ASB5: variants seen among roughly 807,000 people sequenced by gnomAD.
ASB5 encodes ankyrin repeat and SOCS box containing 5, also known as ankyrin repeat and SOCS box protein 5.
A neutral mutation model predicts 42.1 loss-of-function variants in ASB5; 45 were observed. The ratio of observed to expected loss-of-function variants is 1.07; its 90% CI spans 0.84 to 1.37. The LOEUF (loss-of-function observed/expected upper bound fraction) is 1.37. Among genes scored for constraint, ASB5 ranks in the 40% most tolerant of loss-of-function variants. ASB5 has a pLI of 0.00. For synonymous variants in ASB5, 147 were observed against 150.6 expected, an observed-to-expected ratio of 0.98 and a Z score of 0.18; for missense variants, 402 against 399.8, an observed-to-expected ratio of 1.01 and a Z score of -0.05.
chr4:176,268,998 G>T lies in ASB5; in HGVS notation c.111C>A (p.Ile37=). Residue 37 remains isoleucine (I), a synonymous_variant, in exon 1 of 7, where the codon ATC becomes ATA. Coordinates refer to ENST00000296525, the MANE Select transcript of ASB5 (RefSeq NM_080874.4). ...FKLFVKISLA[I]LSHFYIVKGN... is the part of the protein sequence containing the mutation. ...CTTTCACTATGTAGAAATGACTGAG[G>T]ATGGCAAGGCTGATTTTCACAAAAA... is the stretch of plus-strand genomic sequence containing the variant. 1.9e-6 allele frequency: 3 copies of T among 1,613,584 alleles called. No individual in the cohort carries two copies. Among genetic ancestry groups the T allele is most frequent in the Middle Eastern group, 1.7e-4 (1 of 6,058 alleles).
chr4:176,267,210 G>T (rs1426282191), intron 1 of ASB5, among the ~76,000 whole-genome samples: 1 of 152,172 alleles, frequency 6.6e-6, no homozygotes, highest in African/African-American at 2.4e-5. Context: ...TCGTGTATCT[G>T]CAAATATGGC....
chr4:176,231,686 TA>T (rs1014244195), intron 1 of ASB5, among the ~76,000 whole-genome samples: 1 of 39,148 alleles, frequency 2.6e-5, no homozygotes, highest in Non-Finnish European at 4.8e-5. Flanking sequence ...AAATGTAAAT[TA>T]AAAAAAATTA....
chr4:176,263,077 C>A (rs72708319), intron 1 of ASB5, among the ~76,000 whole-genome samples: 1,565 of 152,148 alleles, frequency 0.01, 32 homozygotes, highest in Admixed American at 0.046. Context: ...GCTTGCCCTC[C>A]CTCCCTTGAT....
chr4:176,268,820 T>C (rs1027964433), intron 1 of ASB5, 93 bp downstream of exon 1: 2 of 1,077,850 alleles, frequency 1.9e-6, no homozygotes, highest in Non-Finnish European at 2.5e-6. Flanking sequence ...ATAAAATATT[T>C]ACCTTGAAGC....
rs2126944886 is a variant in ASB5, at chr4:176,221,605, A to C, written c.385-5T>G. On this transcript the variant is annotated splice_region_variant and splice_polypyrimidine_tract_variant and intron_variant, in intron 3 of 6. Transcript: ENST00000296525. ...ATCTATCGTGATTGCATTTACCTAAACCAAACCAAAATATCCAAACATAAG... is the reference window on the plus strand; with the variant it reads ...ATCTATCGTGATTGCATTTACCTAACCCAAACCAAAATATCCAAACATAAG... The C allele has an allele frequency of 1.2e-6, 2 of 1,600,316 alleles. No individual in the cohort carries two copies. Among genetic ancestry groups the C allele is most frequent in the Non-Finnish European group, 1.7e-6 (2 of 1,171,696 alleles).
chr4:176,215,682 CT>C lies in ASB5; in HGVS notation c.907del (p.Ser303AlafsTer3). On this transcript the variant is annotated frameshift_variant, in exon 7 of 7. Transcript: ENST00000296525. LOFTEE classifies it high-confidence loss of function. ...LYQLCRLCIR[S>X]YIGKPRLHLI... ...GTGCAATCTTGGTTTTCCTATGTAG[CT>C]TCGGATACAGAGTCGGCAAAGTTGG... The C allele has an allele frequency of 6.2e-7, 1 of 1,613,050 alleles. No individual in the cohort carries two copies. Among genetic ancestry groups the C allele is most frequent in the Non-Finnish European group, 8.5e-7 (1 of 1,179,326 alleles).
chr4:176,225,053 C>G (rs1269251653), intron 2 of ASB5, among the ~76,000 whole-genome samples: 3 of 152,136 alleles, frequency 2.0e-5, no homozygotes, highest in African/African-American at 7.2e-5. Flanking sequence ...TCTGAGAAAT[C>G]TGAAATACTA....
At chr4:176,219,248 A>ATTTGTATGATATATAAATATATATATT (rs1286573017) in intron 5 of ASB5, among the ~76,000 whole-genome samples, 1 of 109,242 alleles carries the variant, frequency 9.2e-6, no homozygotes, top group African/African-American at 3.7e-5. Flanking sequence ...ATAAATATAT[A>ATTTGTATGATATATAAATATATATATT]TGTATGATAT....
intron 1 of ASB5, among the ~76,000 whole-genome samples, chr4:176,263,600 T>C (rs1049342067): frequency 6.6e-6 from 1 of 152,172 alleles, no homozygotes; most frequent in Non-Finnish European, 1.5e-5. Context: ...TTGTTCCACC[T>C]ACGTATAGAA....
At chr4:176,225,184 T>G in intron 2 of ASB5, 78 bp downstream of exon 2, 1 of 1,196,542 alleles carries the variant, frequency 8.4e-7, no homozygotes, top group Non-Finnish European at 1.2e-6. Flanking sequence ...GGTTTTATCA[T>G]ATTTGCATTG....
chr4:176,229,758 G>T (rs1307567652), intron 1 of ASB5, among the ~76,000 whole-genome samples: 1 of 152,158 alleles, frequency 6.6e-6, no homozygotes, highest in Non-Finnish European at 1.5e-5. Flanking sequence ...GCATGAAAAA[G>T]TTTAATGTCA....
At chr4:176,277,022 T>A (rs1458818102) in intron 1 of ASB5, among the ~76,000 whole-genome samples, 1 of 152,120 alleles carries the variant, frequency 6.6e-6, no homozygotes, top group African/African-American at 2.4e-5. Context: ...TCAGGCAAGT[T>A]CCTTAATCCC....
At chr4:176,243,692 C>T (rs988330506) in intron 1 of ASB5, among the ~76,000 whole-genome samples, 1 of 151,696 alleles carries the variant, frequency 6.6e-6, no homozygotes, top group African/African-American at 2.4e-5. Flanking sequence ...TTGGTAGAAA[C>T]GGGGTTTCAC....
Position 176,233,371 on chromosome 4 carries a change from A to G in ASB5, c.197-8030T>C, listed in dbSNP as rs375931128. Among the ~76,000 whole-genome samples, 15 of 152,312 alleles carry G rather than the reference A, an allele frequency of 9.8e-5. No homozygotes were observed. The East Asian group carries it at 1.5e-3, about 16-fold the overall frequency. ...CATAGCTCCCACGCTGATCTCTCCC[A>G]CAAATTTCAGCGCCACATGTTAAAA... On this transcript the variant is annotated intron_variant, in intron 1 of 6. Coordinates refer to ENST00000296525, the MANE Select transcript of ASB5 (RefSeq NM_080874.4).
chr4:176,236,318 G>A (rs1055497967), intron 1 of ASB5, among the ~76,000 whole-genome samples: 19 of 152,042 alleles, frequency 1.2e-4, no homozygotes, highest in African/African-American at 4.6e-4. Flanking sequence ...GGACTTTAAG[G>A]ACCATGAAAT....
chr4:176,221,345 AC>A, intron 4 of ASB5, 56 bp from the exon 5 acceptor site: 1 of 1,601,910 alleles, frequency 6.2e-7, no homozygotes, highest in Non-Finnish European at 8.5e-7. Flanking sequence ...CACACACCTC[AC>A]CCCAGGCTTC....
intron 1 of ASB5, among the ~76,000 whole-genome samples, chr4:176,264,173 G>A (rs778170589): frequency 2.6e-5 from 4 of 152,060 alleles, no homozygotes; most frequent in African/African-American, 4.8e-5. Flanking sequence ...TGAAAGGAGC[G>A]CCTGAAGAGC....
intron 1 of ASB5, among the ~76,000 whole-genome samples, chr4:176,256,588 T>A (rs968163264): frequency 4.6e-5 from 7 of 152,226 alleles, no homozygotes; most frequent in Non-Finnish European, 1.0e-4. Context: ...TATTTTTAAA[T>A]GGTTTGTTTT....
At chr4:176,241,518 A>G in intron 1 of ASB5, 1 of 1,534,896 alleles carries the variant, frequency 6.5e-7, no homozygotes, top group Non-Finnish European at 8.7e-7. Context: ...GCCATTATTC[A>G]GTTCTCAGAG....
Sources: allele counts gnomAD v4.1 joint callset (sites outside exome capture counted in the v4.1 genomes callset), GRCh38; gene constraint gnomAD v4.1.1; transcripts MANE v1.5; gene names NCBI Gene and HGNC (gene_info 2026-07-23, HGNC 2026-07-21).